HINT3: variants seen among roughly 807,000 people sequenced by gnomAD.
The protein encoded by HINT3 is histidine triad nucleotide binding protein 3.
HINT3 carries 16 observed loss-of-function variants against 19.1 expected under a neutral mutation model. The ratio of observed to expected loss-of-function variants is 0.84; its 90% CI spans 0.57 to 1.27. HINT3 has a LOEUF of 1.27. Ranked by LOEUF, HINT3 falls within the 50% of genes most tolerant of loss-of-function variation. The pLI, the probability that HINT3 is intolerant of heterozygous loss-of-function variation, is 0.00. For synonymous variants in HINT3, 75 were observed against 84.8 expected (o/e 0.88, Z 0.63); for missense variants, 197 against 225.8 (o/e 0.87, Z 0.82).
In HINT3 at chr6:125,960,080, G is replaced by A. The variant is rs189670177; in HGVS notation, c.201+2902G>A. The stretch of plus-strand genomic sequence containing the variant: ...ATTTGGGTTAAGCCTTGAAAAAGGA[G>A]AAGGAGCAATTATATGGTTATATGG... On this transcript the variant is annotated intron_variant, in intron 1 of 4. Transcript: ENST00000229633. Among the ~76,000 whole-genome samples the A allele has an allele frequency of 4.5e-3, 678 of 152,344 alleles. 2 individuals carry two copies. Among genetic ancestry groups the A allele is most frequent in the Middle Eastern group, 6.8e-3 (2 of 294 alleles).
At chr6:125,967,326 CTTTTTTTTTTT>C (rs537273461) in intron 2 of HINT3, among the ~76,000 whole-genome samples, 1 of 95,188 alleles carries the variant, frequency 1.1e-5, no homozygotes, top group African/African-American at 4.2e-5. Context: ...ATTTTTATGA[CTTTTTTTTTTT>C]TTTTTTTTTT....
chr6:125,967,254 G>A (rs1270417179), intron 2 of HINT3, among the ~76,000 whole-genome samples: 1 of 151,234 alleles, frequency 6.6e-6, no homozygotes, highest in Non-Finnish European at 1.5e-5. Context: ...TTCCCACAGT[G>A]ATTGTGAAGC....
chr6:125,974,911 G>A lies in HINT3; in HGVS notation c.454G>A (p.Val152Met), dbSNP rs757417568. Residue 152 changes from valine to methionine, a missense_variant, in exon 4 of 5, where the codon GTG (valine) becomes ATG (methionine). Val to Met is a conservative substitution (Grantham distance 21). Transcript: ENST00000229633. The stretch of plus-strand genomic sequence containing the variant: ...CTTGCACCTTCATGTTCTGGCACCA[G>A]TGGATCAGCTTGGCTTCTTATCCAA... ...SHLHLHVLAP[V>M]DQLGFLSKLV... 9 of 1,613,840 alleles carry A rather than the reference G, an allele frequency of 5.6e-6. No homozygotes were observed. The Admixed American group carries it at 1.5e-4, about 27-fold the overall frequency.
At position 125,962,992 on chromosome 6, in the gene HINT3, GA is replaced by G. The variant is rs368587744; in HGVS notation, c.202-3893del. ...AAAGTAATTGAGTAACACTGGACTA[GA>G]ATTTACCTTGCTTGGAACTATACTG... On this transcript the variant is annotated intron_variant, in intron 1 of 4. Coordinates refer to ENST00000229633, the MANE Select transcript of HINT3 (RefSeq NM_138571.5). Among the ~76,000 whole-genome samples, 105 of 152,270 alleles carry G rather than the reference GA, an allele frequency of 6.9e-4. 1 individual carries two copies. The East Asian group carries it at 0.011, about 16-fold the overall frequency.
rs1425003479 is a variant in HINT3 at position 125,977,877 on chromosome 6, A to C, written c.*201A>C. ...AATATTTTGTTACTGACTTGTTTCAATGGTTACTTGTATAAGGATTTTATA... is the reference window on the plus strand; with the variant it reads ...AATATTTTGTTACTGACTTGTTTCACTGGTTACTTGTATAAGGATTTTATA... On this transcript the variant is annotated 3_prime_UTR_variant, in exon 5 of 5. Coordinates refer to ENST00000229633, the MANE Select transcript of HINT3 (RefSeq NM_138571.5). 1.0e-5 allele frequency: 4 copies of C among 395,736 alleles called. No homozygotes were observed. The highest frequency in any genetic ancestry group is 1.8e-5 in the Non-Finnish European group (4 of 218,862). 24.5% of individuals were successfully genotyped at this position (395,736 alleles called of 1,614,324 possible). A position where few individuals can be genotyped will look rare whatever the true frequency, so the allele number is the denominator to read the frequency against.
At chr6:125,959,169 G>A (rs1221112017) in intron 1 of HINT3, among the ~76,000 whole-genome samples, 1 of 152,142 alleles carries the variant, frequency 6.6e-6, no homozygotes, top group Non-Finnish European at 1.5e-5. Flanking sequence ...AGAGGGATCT[G>A]TATCTCTAAC....
At chr6:125,975,058 C>T (rs544917261) in intron 4 of HINT3, 85 bp downstream of exon 4, 1 of 1,270,270 alleles carries the variant, frequency 7.9e-7, no homozygotes, top group African/African-American at 1.5e-5. Context: ...ACAGTAGGCA[C>T]TTACAGCTCT....
rs1788839423 is a variant in HINT3, at chr6:125,956,833, CCT to C, written c.-141_-140del. On this transcript the variant is annotated 5_prime_UTR_variant, in exon 1 of 5. Coordinates refer to ENST00000229633, the MANE Select transcript of HINT3 (RefSeq NM_138571.5). ...TGAAGTTCCTCACCGCGTCTCCTTC[CCT>C]CTCCCCAAAGCCTGGATCACCGCCC... is the stretch of plus-strand genomic sequence containing the variant. 2.3e-6 allele frequency: 2 copies of C among 856,834 alleles called. No individual in the cohort carries two copies. Among genetic ancestry groups the C allele is most frequent in the Non-Finnish European group, 3.5e-6 (2 of 569,376 alleles). 53.1% of individuals were successfully genotyped at this position (856,834 alleles called of 1,614,324 possible).
At chr6:125,962,416 T>C (rs1788958944) in intron 1 of HINT3, among the ~76,000 whole-genome samples, 1 of 150,756 alleles carries the variant, frequency 6.6e-6, no homozygotes. Context: ...CTTTTTCAAA[T>C]TGAATCTAAG....
intron 2 of HINT3, among the ~76,000 whole-genome samples, chr6:125,969,056 G>A (rs1789059652): frequency 6.6e-6 from 1 of 152,060 alleles, no homozygotes; most frequent in African/African-American, 2.4e-5. Flanking sequence ...TGCTCTTGAG[G>A]ACTTAGTCAT....
intron 2 of HINT3, among the ~76,000 whole-genome samples, chr6:125,969,610 A>G (rs560277586): frequency 3.0e-4 from 45 of 152,266 alleles, no homozygotes; most frequent in African/African-American, 1.1e-3. Flanking sequence ...TGATTCTTCC[A>G]GTCCACGAGC....
chr6:125,962,149 C>CATATATATATACACACATATATATAT (rs1788934643), intron 1 of HINT3, among the ~76,000 whole-genome samples: 2 of 38,646 alleles, frequency 5.2e-5, no homozygotes, highest in Non-Finnish European at 1.1e-4. Context: ...GATGGAAACC[C>CATATATATATACACACATATATATAT]ATATATATAT....
At chr6:125,976,873 C>G (rs1034665985) in intron 4 of HINT3, among the ~76,000 whole-genome samples, 1 of 152,118 alleles carries the variant, frequency 6.6e-6, no homozygotes, top group Non-Finnish European at 1.5e-5. Flanking sequence ...TGATGTAACT[C>G]ACAGACTTTA....
In HINT3 at chr6:125,978,519, G is replaced by A. The variant is rs1025923225; in HGVS notation, c.*843G>A. ...TGATTTGAAGGTAGAGATAGGCTTA[G>A]ATGAGAAAAATTGATAACGCAATGT... On this transcript the variant is annotated 3_prime_UTR_variant, in exon 5 of 5. Coordinates refer to ENST00000229633, the MANE Select transcript of HINT3 (RefSeq NM_138571.5). The A allele has an allele frequency of 2.6e-5, 4 of 152,154 alleles. No homozygotes were observed. Among genetic ancestry groups the A allele is most frequent in the Admixed American group, 2.6e-4 (4 of 15,272 alleles). 9.4% of individuals were successfully genotyped at this position (152,154 alleles called of 1,614,324 possible). A position where few individuals can be genotyped will look rare whatever the true frequency, so the allele number is the denominator to read the frequency against.
intron 3 of HINT3, among the ~76,000 whole-genome samples, chr6:125,973,317 G>T (rs1446361003): frequency 6.6e-6 from 1 of 151,998 alleles, no homozygotes; most frequent in African/African-American, 2.4e-5. Flanking sequence ...GACATCAAGT[G>T]ATCCGCCCGC....
chr6:125,965,823 C>T (rs1789009701), intron 1 of HINT3, among the ~76,000 whole-genome samples: 1 of 152,130 alleles, frequency 6.6e-6, no homozygotes, highest in African/African-American at 2.4e-5. Flanking sequence ...TTTTCTAAAA[C>T]ATTCCATGGA....
intron 2 of HINT3, among the ~76,000 whole-genome samples, chr6:125,967,830 T>G (rs1340365164): frequency 1.3e-5 from 2 of 152,206 alleles, no homozygotes; most frequent in Non-Finnish European, 2.9e-5. Flanking sequence ...AGTGATGAAC[T>G]TCTAGCTTCT....
intron 1 of HINT3, among the ~76,000 whole-genome samples, chr6:125,966,312 G>A (rs1334090735): frequency 1.3e-5 from 2 of 152,126 alleles, no homozygotes; most frequent in Non-Finnish European, 2.9e-5. Context: ...CCATAAATTA[G>A]TACAATATAC....
At chr6:125,973,064 A>AATT (rs1562214989) in intron 3 of HINT3, among the ~76,000 whole-genome samples, 8 of 72,588 alleles carry the variant, frequency 1.1e-4, no homozygotes, top group African/African-American at 4.2e-4. Context: ...CAATTTTTCA[A>AATT]CTTTTTTTTT....
Sources: gnomAD v4.1 joint callset for allele counts (sites outside exome capture counted in the v4.1 genomes callset) on GRCh38, gnomAD v4.1.1 for gene constraint, MANE v1.5 for transcripts, NCBI Gene and HGNC (gene_info 2026-07-23, HGNC 2026-07-21) for gene names.